Variants in SRBD1 observed in about 807,000 individuals in gnomAD.
The protein encoded by SRBD1 is S1 RNA-binding domain-containing protein 1.
Under a neutral mutation model 115.3 loss-of-function variants are expected in SRBD1, and 88 were observed. That is an observed-to-expected ratio of 0.76 (90% CI 0.64 to 0.91). The LOEUF (loss-of-function observed/expected upper bound fraction) is 0.91, where lower values mean the gene tolerates loss of function less well. Ranked by LOEUF, SRBD1 falls within the 40% of genes least tolerant of loss-of-function variation. SRBD1 has a pLI of 0.00. For synonymous variants in SRBD1, 509 were observed against 407.7 expected, an observed-to-expected ratio of 1.25 and a Z score of -2.99; for missense variants, 1,385 against 1,177.4, an observed-to-expected ratio of 1.18 and a Z score of -2.58.
intron 12 of SRBD1, among the ~76,000 whole-genome samples, chr2:45,550,145 G>A (rs965677994): frequency 5.9e-5 from 9 of 152,098 alleles, no homozygotes; most frequent in African/African-American, 2.2e-4. Flanking sequence ...CTTGAACCCA[G>A]TAGATGGTTT....
intron 14 of SRBD1, among the ~76,000 whole-genome samples, chr2:45,527,756 C>T (rs1261813670): frequency 1.3e-5 from 2 of 151,902 alleles, no homozygotes; most frequent in Non-Finnish European, 2.9e-5. Flanking sequence ...TAAGCACAGT[C>T]ACCATGGTAG....
intron 14 of SRBD1, among the ~76,000 whole-genome samples, chr2:45,536,551 T>C (rs1417591359): frequency 6.6e-6 from 1 of 152,158 alleles, no homozygotes; most frequent in African/African-American, 2.4e-5. Flanking sequence ...AATAAAGTTT[T>C]ATCATGTGTT....
At chr2:45,535,762 G>A (rs1478641868) in intron 14 of SRBD1, among the ~76,000 whole-genome samples, 1 of 151,964 alleles carries the variant, frequency 6.6e-6, no homozygotes, top group Non-Finnish European at 1.5e-5. Flanking sequence ...AAGAGAAGTT[G>A]AACAAGTCTA....
intron 15 of SRBD1, among the ~76,000 whole-genome samples, chr2:45,479,729 A>G (rs999288261): frequency 2.0e-5 from 3 of 152,244 alleles, no homozygotes; most frequent in Non-Finnish European, 4.4e-5. Context: ...TCTAGTTAAG[A>G]TCATAATGAA....
At chr2:45,527,830 G>A (rs1671495471) in intron 14 of SRBD1, among the ~76,000 whole-genome samples, 1 of 151,810 alleles carries the variant, frequency 6.6e-6, no homozygotes, top group African/African-American at 2.4e-5. Flanking sequence ...CAAAAGGGTA[G>A]AAAACTTCCA....
intron 16 of SRBD1, among the ~76,000 whole-genome samples, chr2:45,444,270 G>C (rs1668755923): frequency 6.6e-6 from 1 of 152,122 alleles, no homozygotes; most frequent in Non-Finnish European, 1.5e-5. Flanking sequence ...ACCTGGGTGT[G>C]GTGGTGCACC....
At chr2:45,525,711 T>C (rs1027516038) in intron 14 of SRBD1, among the ~76,000 whole-genome samples, 7 of 152,056 alleles carry the variant, frequency 4.6e-5, no homozygotes, top group African/African-American at 7.2e-5. Flanking sequence ...ATTTTTACTA[T>C]CAATTTGAAG....
intron 16 of SRBD1, chr2:45,447,596 G>A (rs1668864488): frequency 6.6e-6 from 1 of 152,156 alleles, no homozygotes; most frequent in Non-Finnish European, 1.5e-5. Context: ...CCTCTAATCA[G>A]AATCTCCCAA....
chr2:45,499,182 G>C (rs1670552297), intron 14 of SRBD1, among the ~76,000 whole-genome samples: 1 of 151,948 alleles, frequency 6.6e-6, no homozygotes, highest in Non-Finnish European at 1.5e-5. Flanking sequence ...TTTTTGATAA[G>C]TCATTCTAAC....
At chr2:45,578,904 A>G (rs1198159157) in intron 7 of SRBD1, among the ~76,000 whole-genome samples, 4 of 152,254 alleles carry the variant, frequency 2.6e-5, no homozygotes, top group African/African-American at 9.6e-5. Flanking sequence ...TTGCTTGATT[A>G]TCATGTATAG....
intron 14 of SRBD1, among the ~76,000 whole-genome samples, chr2:45,514,583 C>T (rs1366357729): frequency 6.6e-6 from 1 of 152,062 alleles, no homozygotes; most frequent in Non-Finnish European, 1.5e-5. Context: ...TTCTTATATG[C>T]CTACATAATA....
intron 16 of SRBD1, among the ~76,000 whole-genome samples, chr2:45,439,762 T>G (rs571841304): frequency 1.3e-5 from 2 of 151,840 alleles, no homozygotes; most frequent in South Asian, 4.1e-4. Context: ...CTTAAAATCT[T>G]TGCATTTTTT....
intron 9 of SRBD1, chr2:45,569,103 G>C (rs1459714641): frequency 2.1e-5 from 3 of 145,664 alleles, no homozygotes; most frequent in Non-Finnish European, 4.4e-5. Flanking sequence ...ATACTTGTGG[G>C]ATAATTCACA....
At chr2:45,523,380 G>A (rs1310825427) in intron 14 of SRBD1, among the ~76,000 whole-genome samples, 1 of 148,430 alleles carries the variant, frequency 6.7e-6, no homozygotes, top group Non-Finnish European at 1.5e-5. Flanking sequence ...AAATAATAAA[G>A]AAATGAACTC....
intron 14 of SRBD1, among the ~76,000 whole-genome samples, chr2:45,542,316 G>A (rs978951222): frequency 6.6e-6 from 1 of 152,260 alleles, no homozygotes; most frequent in Non-Finnish European, 1.5e-5. Context: ...GAGAGGCCAG[G>A]GAGGTGGAGC....
chr2:45,404,228 G>A (rs900754852), intron 19 of SRBD1, among the ~76,000 whole-genome samples: 6 of 152,256 alleles, frequency 3.9e-5, no homozygotes, highest in Admixed American at 3.3e-4. Flanking sequence ...GATTATAGTT[G>A]AAGATTTTGG....
intron 16 of SRBD1, among the ~76,000 whole-genome samples, chr2:45,454,226 C>G (rs1161051034): frequency 6.6e-6 from 1 of 151,756 alleles, no homozygotes; most frequent in East Asian, 1.9e-4. Flanking sequence ...CCAATTTACC[C>G]CATTGTCAAT....
intron 16 of SRBD1, among the ~76,000 whole-genome samples, chr2:45,448,875 A>G (rs911640539): frequency 2.6e-5 from 4 of 152,318 alleles, no homozygotes; most frequent in African/African-American, 9.6e-5. Context: ...GCAGTGCACA[A>G]ATGCACAAAG....
chr2:45,488,779 T>G (rs996837522), intron 14 of SRBD1, among the ~76,000 whole-genome samples: 7 of 152,058 alleles, frequency 4.6e-5, no homozygotes, highest in Non-Finnish European at 7.4e-5. Context: ...TGTGGATATG[T>G]GCACATGCAG....
Sources: gnomAD v4.1 joint callset for allele counts (sites outside exome capture counted in the v4.1 genomes callset) on GRCh38, gnomAD v4.1.1 for gene constraint, MANE v1.5 for transcripts, NCBI Gene and HGNC (gene_info 2026-07-23, HGNC 2026-07-21) for gene names.